SLC2A13: variants seen among roughly 807,000 people sequenced by gnomAD.
SLC2A13 encodes the protein solute carrier family 2 member 13, also known as proton myo-inositol cotransporter.
SLC2A13 carries 32 observed loss-of-function variants against 64.4 expected under a neutral mutation model. The observed-to-expected ratio is 0.50, with a 90% CI of 0.37 to 0.67. The LOEUF is 0.67. Among genes scored for constraint, SLC2A13 ranks in the 30% least tolerant of loss-of-function variants. SLC2A13 has a pLI of 0.00. For missense variants in SLC2A13, 743 were observed against 829.2 expected (o/e 0.90, Z 1.28); for synonymous variants, 338 against 327.1 (o/e 1.03, Z -0.36).
chr12:39,805,288 G>A (rs1450748675), intron 7 of SLC2A13, among the ~76,000 whole-genome samples: 1 of 152,184 alleles, frequency 6.6e-6, no homozygotes, highest in African/African-American at 2.4e-5. Context: ...AAAAGGGTCA[G>A]TGTGGCTGCT....
intron 6 of SLC2A13, among the ~76,000 whole-genome samples, chr12:39,857,799 T>C (rs1943646328): frequency 6.6e-6 from 1 of 152,212 alleles, no homozygotes; most frequent in Non-Finnish European, 1.5e-5. Context: ...CCAGTCTTGT[T>C]GGTCAATTCT....
chr12:39,847,468 C>T (rs1011207858), intron 6 of SLC2A13, among the ~76,000 whole-genome samples: 1 of 152,074 alleles, frequency 6.6e-6, no homozygotes, highest in African/African-American at 2.4e-5. Context: ...TTCAGGAAGA[C>T]TTCAAAGGGA....
At chr12:39,880,044 ACTCT>A (rs369694148) in intron 4 of SLC2A13, among the ~76,000 whole-genome samples, 11 of 150,734 alleles carry the variant, frequency 7.3e-5, no homozygotes, top group South Asian at 2.1e-4. Context: ...CTCACCCTGC[ACTCT>A]CTCTCTCTCG....
At chr12:39,946,411 G>A (rs1035773248) in intron 4 of SLC2A13, among the ~76,000 whole-genome samples, 2 of 152,228 alleles carry the variant, frequency 1.3e-5, no homozygotes, top group African/African-American at 2.4e-5. Flanking sequence ...AGTGGGCAGA[G>A]CCCTAGAACT....
At chr12:40,058,660 A>G (rs926103003) in intron 1 of SLC2A13, among the ~76,000 whole-genome samples, 21 of 152,324 alleles carry the variant, frequency 1.4e-4, no homozygotes, top group African/African-American at 4.8e-4. Flanking sequence ...ATGTAACTCC[A>G]AATTGCTTAG....
chr12:39,994,345 T>C (rs977439284), intron 3 of SLC2A13, among the ~76,000 whole-genome samples: 3 of 148,496 alleles, frequency 2.0e-5, no homozygotes, highest in East Asian at 2.0e-4. Flanking sequence ...ATTGTGCCAC[T>C]GTACCCCAGC....
At chr12:40,033,086 C>G (rs1412644548) in intron 2 of SLC2A13, among the ~76,000 whole-genome samples, 1 of 152,200 alleles carries the variant, frequency 6.6e-6, no homozygotes, top group Non-Finnish European at 1.5e-5. Context: ...GATTTCACAA[C>G]AACCCTATGA....
chr12:39,829,340 T>G (rs1942782180), intron 7 of SLC2A13: 1 of 140,612 alleles, frequency 7.1e-6, no homozygotes, highest in South Asian at 2.5e-4. Context: ...GGAAAAGGCC[T>G]CTAAGAATAA....
intron 3 of SLC2A13, among the ~76,000 whole-genome samples, chr12:40,013,191 C>A (rs866541912): frequency 2.6e-4 from 40 of 151,178 alleles, no homozygotes; most frequent in African/African-American, 9.7e-4. Context: ...AAAAAAAAAA[C>A]CTGAGTAATA....
In SLC2A13 at chr12:40,085,533, G is replaced by A. The variant is rs1468482376; in HGVS notation, c.556+19720C>T. Among the ~76,000 whole-genome samples the A allele has an allele frequency of 2.6e-5, 4 of 152,182 alleles. No homozygotes were observed. The East Asian group carries it at 7.7e-4, about 29-fold the overall frequency. On this transcript the variant is annotated intron_variant, in intron 1 of 9. Transcript: ENST00000280871. ...GCAAAACTGATTGCTTGTTAGTGGGGAGAAATCCCCCACATTTGGTCACAG... is the reference window on the plus strand; with the variant it reads ...GCAAAACTGATTGCTTGTTAGTGGGAAGAAATCCCCCACATTTGGTCACAG...
chr12:39,814,225 T>C (rs944944051), intron 7 of SLC2A13, among the ~76,000 whole-genome samples: 1 of 152,174 alleles, frequency 6.6e-6, no homozygotes, highest in African/African-American at 2.4e-5. Flanking sequence ...ATGTCATTGC[T>C]TTACCTCCCC....
At chr12:39,901,525 G>A (rs1160914418) in intron 4 of SLC2A13, among the ~76,000 whole-genome samples, 3 of 133,146 alleles carry the variant, frequency 2.3e-5, no homozygotes, top group Non-Finnish European at 4.8e-5. Context: ...TCAAAAAGTG[G>A]GCAAAGGACA....
chr12:39,810,628 A>G (rs1382037822), intron 7 of SLC2A13, among the ~76,000 whole-genome samples: 3 of 152,162 alleles, frequency 2.0e-5, no homozygotes, highest in African/African-American at 4.8e-5. Flanking sequence ...GATGTTATGT[A>G]TCAGGTCGAG....
At chr12:39,978,254 TG>T (rs1946801873) in intron 3 of SLC2A13, among the ~76,000 whole-genome samples, 1 of 152,136 alleles carries the variant, frequency 6.6e-6, no homozygotes. Context: ...AACTCTTAAT[TG>T]GTGAAGAAAC....
intron 1 of SLC2A13, among the ~76,000 whole-genome samples, chr12:40,090,064 CAAAG>C (rs1027686320): frequency 3.9e-5 from 6 of 152,018 alleles, no homozygotes; most frequent in Admixed American, 2.0e-4. Context: ...TTTATTAACA[CAAAG>C]AAAATGTTCT....
chr12:39,953,616 A>G (rs561545784), intron 3 of SLC2A13, among the ~76,000 whole-genome samples: 3 of 152,328 alleles, frequency 2.0e-5, no homozygotes, highest in Admixed American at 2.0e-4. Context: ...TGTAATTAAA[A>G]ATGTTTTGTG....
intron 1 of SLC2A13, among the ~76,000 whole-genome samples, chr12:40,086,382 T>C (rs1463718): frequency 0.13 from 20,235 of 152,184 alleles, 1,399 homozygotes; most frequent in South Asian, 0.23. Context: ...CCTGTGGCCA[T>C]GATAAAAGAA....
At chr12:39,818,035 C>A (rs1194641547) in intron 7 of SLC2A13, among the ~76,000 whole-genome samples, 1 of 152,176 alleles carries the variant, frequency 6.6e-6, no homozygotes, top group Admixed American at 6.5e-5. Flanking sequence ...CACTTTCCAG[C>A]TCTTTAACTT....
In SLC2A13 at chr12:40,105,606, G is replaced by T; in HGVS notation, c.203C>A (p.Ala68Glu). The change falls in exon 1 of 10, where the codon GCG (alanine) becomes GAG (glutamate). Residue 68 changes from alanine (A) to glutamate (E), a missense_variant. By Grantham distance (107) the Ala-to-Glu change is moderately radical (BLOSUM62 -1). Coordinates refer to ENST00000280871, the MANE Select transcript of SLC2A13 (RefSeq NM_052885.4). This position sits in a 1 kb window ranked among gnomAD's most constrained non-coding sequence, Gnocchi z 4.2. ...GGGVGDLERAARRQFQQDETP... is the reference protein window; with the variant it reads ...GGGVGDLERAERRQFQQDETP... Reference sequence around the variant, plus strand: ...CTCGTCCTGCTGGAACTGCCGCCGCGCCGCGCGCTCCAGGTCCCCGACGCC... The same window carrying T: ...CTCGTCCTGCTGGAACTGCCGCCGCTCCGCGCGCTCCAGGTCCCCGACGCC... 1.3e-6 allele frequency: 2 copies of T among 1,520,772 alleles called. No homozygotes were observed. Among genetic ancestry groups the T allele is most frequent in the Non-Finnish European group, 1.8e-6 (2 of 1,136,648 alleles). 94.2% of individuals were successfully genotyped at this position (1,520,772 alleles called of 1,614,324 possible).
Sources: allele counts gnomAD v4.1 joint callset (sites outside exome capture counted in the v4.1 genomes callset), GRCh38; gene constraint gnomAD v4.1.1; non-coding constraint Gnocchi (gnomAD v3.1); transcripts MANE v1.5; gene names NCBI Gene and HGNC (gene_info 2026-07-23, HGNC 2026-07-21).